Variants in TUSC3 observed in about 807,000 individuals in gnomAD.
TUSC3 encodes dolichyl-diphosphooligosaccharide--protein glycosyltransferase subunit TUSC3.
TUSC3 carries 45 observed loss-of-function variants against 44.8 expected under a neutral mutation model. The ratio of observed to expected loss-of-function variants is 1.00; its 90% CI spans 0.79 to 1.29. The LOEUF is 1.29. Ranked by LOEUF, TUSC3 falls within the 50% of genes most tolerant of loss-of-function variation. The pLI is 0.00. For synonymous variants in TUSC3, 212 were observed against 152.9 expected, an observed-to-expected ratio of 1.39 and a Z score of -2.85; for missense variants, 519 against 437.9, an observed-to-expected ratio of 1.19 and a Z score of -1.65.
chr8:15,419,701 G>A (rs1212281603), intron 1 of TUSC3, among the ~76,000 whole-genome samples: 1 of 152,152 alleles, frequency 6.6e-6, no homozygotes, highest in East Asian at 1.9e-4. Context: ...AAGAAGACAA[G>A]AGTATCTCTA....
chr8:15,842,100 T>A, the TUSC3 span, among the ~76,000 whole-genome samples: 1 of 152,154 alleles, frequency 6.6e-6, no homozygotes, highest in African/African-American at 2.4e-5. Flanking sequence ...AAATAATCAG[T>A]CAACACATGT....
intron 3 of TUSC3, among the ~76,000 whole-genome samples, chr8:15,652,499 A>C (rs1199928503): frequency 6.6e-6 from 1 of 152,188 alleles, no homozygotes; most frequent in African/African-American, 2.4e-5. Flanking sequence ...CCTATTCTAT[A>C]GGAGCAATAA....
At chr8:15,813,007 T>C in the TUSC3 span, among the ~76,000 whole-genome samples, 2 of 151,944 alleles carry the variant, frequency 1.3e-5, no homozygotes, top group East Asian at 3.9e-4. Context: ...GGCACAAGAA[T>C]CGCTTGAACC....
At chr8:15,479,666 T>C (rs1353667101) in intron 1 of TUSC3, among the ~76,000 whole-genome samples, 1 of 152,196 alleles carries the variant, frequency 6.6e-6, no homozygotes, top group Non-Finnish European at 1.5e-5. Flanking sequence ...ACCAGTACCA[T>C]GCTGTTTTGG....
At position 15,749,095 on chromosome 8, in the gene TUSC3, C is replaced by CT. The variant is rs538713779; in HGVS notation, c.1028+635dup. On this transcript the variant is annotated intron_variant, in intron 9 of 10. Transcript: ENST00000503731. ...AATTAGGCATATATTCATTCTTGAG[C>CT]TTTTTCCTCCTTCAAGTTTTCTTAA... Among the ~76,000 whole-genome samples the CT allele has an allele frequency of 1.2e-4, 18 of 146,154 alleles. 1 individual carries two copies. The South Asian group carries it at 4.1e-3, about 33-fold the overall frequency.
At chr8:15,530,903 C>A (rs1224688968) in intron 2 of TUSC3, among the ~76,000 whole-genome samples, 1 of 152,162 alleles carries the variant, frequency 6.6e-6, no homozygotes, top group Non-Finnish European at 1.5e-5. Context: ...CCTTGTGTGT[C>A]TGTGTCCTTA....
At chr8:15,825,711 G>A in the TUSC3 span, among the ~76,000 whole-genome samples, 4 of 152,218 alleles carry the variant, frequency 2.6e-5, no homozygotes, top group South Asian at 8.3e-4. Flanking sequence ...TACGTATAAT[G>A]TGAAATATAT....
At chr8:15,522,396 C>T (rs1003679170) in intron 2 of TUSC3, among the ~76,000 whole-genome samples, 1 of 152,066 alleles carries the variant, frequency 6.6e-6, no homozygotes, top group Non-Finnish European at 1.5e-5. Flanking sequence ...GCACACATGT[C>T]TAAATTTTAT....
intron 2 of TUSC3, among the ~76,000 whole-genome samples, chr8:15,495,129 C>A (rs1344477550): frequency 2.0e-5 from 3 of 151,020 alleles, no homozygotes; most frequent in Non-Finnish European, 4.4e-5. Context: ...GTATATGTAC[C>A]ATATTTTCTT....
the TUSC3 span, among the ~76,000 whole-genome samples, chr8:15,786,861 G>A: frequency 6.0e-4 from 90 of 149,220 alleles, no homozygotes; most frequent in African/African-American, 2.0e-3. Flanking sequence ...GGAAAATGGC[G>A]TGAACCCAGG....
chr8:15,534,343 C>G (rs566414211), intron 2 of TUSC3, among the ~76,000 whole-genome samples: 3 of 151,946 alleles, frequency 2.0e-5, no homozygotes, highest in African/African-American at 2.4e-5. Flanking sequence ...GTTAAAATAT[C>G]TGATAAAAAC....
chr8:15,536,156 G>A (rs1020468612), upstream of TUSC3, among the ~76,000 whole-genome samples: 2 of 152,160 alleles, frequency 1.3e-5, no homozygotes, highest in African/African-American at 4.8e-5. Context: ...AGTACAAAGT[G>A]TAGAGACAGA....
chr8:15,575,231 C>G (rs898483629), intron 1 of TUSC3, among the ~76,000 whole-genome samples: 2 of 151,916 alleles, frequency 1.3e-5, no homozygotes, highest in African/African-American at 2.4e-5. Context: ...ATTTTGTGTA[C>G]TTGATTTTTA....
chr8:15,650,652 C>A (rs1806853387), intron 2 of TUSC3, 45 bp from the exon 3 acceptor site: 1 of 1,540,992 alleles, frequency 6.5e-7, no homozygotes, highest in Non-Finnish European at 9.0e-7. Context: ...TTTGTAGATG[C>A]TTCAGTACTG....
At chr8:15,492,799 A>T (rs963428431) in intron 2 of TUSC3, among the ~76,000 whole-genome samples, 2 of 152,098 alleles carry the variant, frequency 1.3e-5, no homozygotes, top group African/African-American at 2.4e-5. Context: ...AAAAAAGTGT[A>T]ATAATATGTC....
chr8:15,801,207 C>A, the TUSC3 span, among the ~76,000 whole-genome samples: 11 of 152,172 alleles, frequency 7.2e-5, no homozygotes, highest in Non-Finnish European at 4.4e-5. Context: ...GGATTACGCA[C>A]GCCTCTCCTT....
At chr8:15,579,073 A>G (rs1382433717) in intron 1 of TUSC3, among the ~76,000 whole-genome samples, 2 of 151,734 alleles carry the variant, frequency 1.3e-5, no homozygotes, top group African/African-American at 4.8e-5. Flanking sequence ...GAATTTATCC[A>G]TTTCTTCTAG....
chr8:15,457,750 A>G (rs1461517195), intron 1 of TUSC3, among the ~76,000 whole-genome samples: 2 of 148,334 alleles, frequency 1.3e-5, no homozygotes, highest in Non-Finnish European at 3.0e-5. Flanking sequence ...ATAATTTAAA[A>G]TAAAATAGAT....
chr8:15,621,949 A>C (rs1013448766), intron 1 of TUSC3, among the ~76,000 whole-genome samples: 6 of 151,732 alleles, frequency 4.0e-5, no homozygotes, highest in Admixed American at 2.6e-4. Flanking sequence ...TTCCTGTTCA[A>C]GTGGGTGCAA....
Sources: allele counts gnomAD v4.1 joint callset (sites outside exome capture counted in the v4.1 genomes callset), GRCh38; gene constraint gnomAD v4.1.1; transcripts MANE v1.5; gene names NCBI Gene and HGNC (gene_info 2026-07-23, HGNC 2026-07-21).